PYGM: variants seen among roughly 807,000 people sequenced by gnomAD.
PYGM encodes glycogen phosphorylase, muscle associated.
In PYGM, 81 loss-of-function variants were observed where a neutral mutation model predicts 99.3. The ratio of observed to expected loss-of-function variants is 0.82; its 90% CI spans 0.68 to 0.98. PYGM has a LOEUF of 0.98. Among genes scored for constraint, PYGM ranks in the 50% least tolerant of loss-of-function variants. The pLI is 0.00. For missense variants in PYGM, 1,030 were observed against 1,158.1 expected, an observed-to-expected ratio of 0.89 and a Z score of 1.61; for synonymous variants, 436 against 451.5, an observed-to-expected ratio of 0.97 and a Z score of 0.44.
rs367990192 is a variant in PYGM, at chr11:64,758,446, G to A, written c.415C>T (p.Arg139Trp). The change falls in exon 3 of 20, where the codon CGG becomes TGG. Residue 139 changes from arginine to tryptophan, a missense_variant. By Grantham distance (101) the Arg-to-Trp change is moderately radical. Transcript: ENST00000164139. ...GGCCCTGTCTTCTTACCTGCCAGCC[G>A]GCCCAGGCCCCCGTTGCCCAGCCCC... ...DAGLGNGGLG[R>W]LAACFLDSMA... 1.1e-5 allele frequency: 17 copies of A among 1,613,864 alleles called. No homozygotes were observed. The highest frequency in any genetic ancestry group is 2.2e-5 in the East Asian group (1 of 44,874).
chr11:64,759,386 A>G (rs1289157262), intron 1 of PYGM, among the ~76,000 whole-genome samples: 1 of 151,962 alleles, frequency 6.6e-6, no homozygotes, highest in Non-Finnish European at 1.5e-5. Flanking sequence ...GCCAGGCCAC[A>G]GGCGCCGTCC....
At chr11:64,758,540 T>G in intron 2 of PYGM, 25 bp from the exon 3 acceptor site, 1 of 1,613,944 alleles carries the variant, frequency 6.2e-7, no homozygotes, top group African/African-American at 1.3e-5. Context: ...GTGACAGTGG[T>G]CAGGGTCAAG....
At chr11:64,750,637 C>T in intron 16 of PYGM, 54 bp from the exon 17 acceptor site, 2 of 1,559,674 alleles carry the variant, frequency 1.3e-6, no homozygotes, top group Non-Finnish European at 1.8e-6. Context: ...CTCACACCAG[C>T]TGGGGACTCT....
At chr11:64,749,368 C>T (rs1565532501) in intron 17 of PYGM, among the ~76,000 whole-genome samples, 1 of 149,478 alleles carries the variant, frequency 6.7e-6, no homozygotes, top group Non-Finnish European at 1.5e-5. Context: ...AAAGGCCGGG[C>T]GCAGTGGCTC....
At chr11:64,758,111 T>C (rs2058405860) in intron 4 of PYGM, 135 bp downstream of exon 4, 1 of 1,316,408 alleles carries the variant, frequency 7.6e-7, no homozygotes, top group Non-Finnish European at 1.1e-6. Context: ...TGGCTTTGGG[T>C]CGGGGGGTGG....
chr11:64,751,040 T>C (rs2058352273), intron 16 of PYGM: 5 of 423,374 alleles, frequency 1.2e-5, no homozygotes, highest in Non-Finnish European at 1.8e-5. Flanking sequence ...TATAGGCACC[T>C]GCCATCACGC....
Position 64,754,630 on chromosome 11 carries a change from G to A in PYGM, c.999+63C>T. ...TATTACATGGGGCAGGCAGGCCGAG[G>A]CTGGAGGGAGAGGCCTAGCACACAC... On this transcript the variant is annotated intron_variant, in intron 8 of 19. Transcript: ENST00000164139. The surrounding 1 kb of genome is among the most constrained non-coding windows in gnomAD (Gnocchi z 5.5). 1.9e-6 allele frequency: 3 copies of A among 1,593,520 alleles called. No homozygotes were observed. The highest frequency in any genetic ancestry group is 2.6e-6 in the Non-Finnish European group (3 of 1,168,258).
intron 11 of PYGM, among the ~76,000 whole-genome samples, 163 bp downstream of exon 11, chr11:64,753,356 G>A (rs528549634): frequency 9.9e-5 from 15 of 152,274 alleles, no homozygotes; most frequent in East Asian, 3.9e-4. Flanking sequence ...AGGACAGGGC[G>A]GCACTGGAAG....
chr11:64,750,420 G>A lies in PYGM; in HGVS notation c.2133C>T (p.Ile711=), dbSNP rs1227981579. The change falls in exon 17 of 20, where the codon ATC becomes ATT. Residue 711 remains isoleucine (I), a synonymous_variant. Transcript: ENST00000164139. ...AEEAGEENFF[I]FGMRVEDVDK... Reference sequence around the variant, plus strand: ...CCACATCCTCCACCCGCATGCCAAAGATGAAGAAGTTTTCCTCTCCCGCCT... The same window carrying A: ...CCACATCCTCCACCCGCATGCCAAAAATGAAGAAGTTTTCCTCTCCCGCCT... The A allele has an allele frequency of 1.2e-6, 2 of 1,614,178 alleles. No homozygotes were observed. Among genetic ancestry groups the A allele is most frequent in the Non-Finnish European group, 1.7e-6 (2 of 1,180,034 alleles).
chr11:64,755,587 G>C lies in PYGM; in HGVS notation c.661-29C>G, dbSNP rs775744943. The C allele has an allele frequency of 1.3e-5, 20 of 1,577,738 alleles. No individual in the cohort carries two copies. In the Admixed American group the frequency reaches 2.4e-4, roughly 19 times the overall value. ...CGGGGGGCAATCCTGTCAGGAGCTG[G>C]CCAGCCCTGGCAATTGCCTCCCTCC... is the stretch of plus-strand genomic sequence containing the variant. On this transcript the variant is annotated intron_variant, in intron 5 of 19. Transcript: ENST00000164139. This position sits in a 1 kb window ranked among gnomAD's most constrained non-coding sequence, Gnocchi z 4.1.
intron 12 of PYGM, 146 bp from the exon 13 acceptor site, chr11:64,752,650 A>C: frequency 1.2e-6 from 1 of 827,126 alleles, no homozygotes; most frequent in Non-Finnish European, 2.0e-6. Flanking sequence ...CCAGCCGCCC[A>C]GATGGGGCAC....
chr11:64,747,132 A>G (rs1467301921), intron 18 of PYGM, 92 bp downstream of exon 18: 1 of 1,580,494 alleles, frequency 6.3e-7, no homozygotes, highest in Non-Finnish European at 8.7e-7. Flanking sequence ...GGCTCCAACT[A>G]CCAGGACCCG....
chr11:64,753,990 G>A lies in PYGM; in HGVS notation c.1128C>T (p.Thr376=). 1 of 1,606,906 alleles carries A rather than the reference G, an allele frequency of 6.2e-7. No individual in the cohort carries two copies. The highest frequency in any genetic ancestry group is 1.1e-5 in the South Asian group (1 of 89,904). Residue 376 remains threonine, a synonymous_variant, in exon 10 of 20, where the codon ACC becomes ACT. Transcript: ENST00000164139. ...WDVTVRTCAY[T]NHTVLPEALE... ...GGGCCTCGGGCAGCACCGTGTGGTT[G>A]GTGTAGGCACAGGTCCTCACTGTCA...
Position 64,746,765 on chromosome 11 carries a change from G to T in PYGM, c.2423C>A (p.Thr808Asn). The change falls in exon 20 of 20, where the codon ACC becomes AAC. Residue 808 changes from threonine (T) to asparagine (N), a missense_variant. Physicochemically the swap from Thr to Asn is moderately conservative, Grantham distance 65. Coordinates refer to ENST00000164139, the MANE Select transcript of PYGM (RefSeq NM_005609.4). ...GCGGTCACTGGAGAACTTGCCAGAG[G>T]TGGCTATGTTCCGGATCACCATCCG... ...WTRMVIRNIATSGKFSSDRTI... is the reference protein window; with the variant it reads ...WTRMVIRNIANSGKFSSDRTI... 6.2e-7 allele frequency: 1 copy of T among 1,614,188 alleles called. No individual in the cohort carries two copies. The highest frequency in any genetic ancestry group is 1.7e-5 in the Admixed American group (1 of 60,026).
upstream of PYGM, chr11:64,760,121 C>T (rs910100863): frequency 3.0e-6 from 2 of 675,624 alleles, no homozygotes. Context: ...GAGGTGAGCT[C>T]CACTTGGGCC....
intron 1 of PYGM, among the ~76,000 whole-genome samples, chr11:64,759,366 C>T (rs1479927174): frequency 6.6e-6 from 1 of 152,194 alleles, no homozygotes; most frequent in African/African-American, 2.4e-5. Context: ...TGTCCTTCCA[C>T]CTGGGCCCAG....
chr11:64,751,218 C>T, intron 16 of PYGM, 107 bp downstream of exon 16: 1 of 1,517,508 alleles, frequency 6.6e-7, no homozygotes, highest in Non-Finnish European at 9.0e-7. Context: ...ATTGCCCTCT[C>T]CAGATTCTTC....
At chr11:64,748,608 AT>A (rs1250887120) in intron 17 of PYGM, 2 of 152,206 alleles carry the variant, frequency 1.3e-5, no homozygotes, top group Non-Finnish European at 2.9e-5. Flanking sequence ...TCACAGTAAT[AT>A]TTAACAAACC....
At position 64,753,591 on chromosome 11, in the gene PYGM, T is replaced by C. The variant is rs1306773818; in HGVS notation, c.1331A>G (p.His444Arg). 1.9e-6 allele frequency: 3 copies of C among 1,607,598 alleles called. No homozygotes were observed. The highest frequency in any genetic ancestry group is 1.7e-6 in the Non-Finnish European group (2 of 1,178,836). ...EGAVKRINMA[H>R]LCIAGSHAVN... ...GGCGTGCGACCCCGCGATGCACAGG[T>C]GTGCCATGTTGATGCGCTTCACTGC... is the stretch of plus-strand genomic sequence containing the variant. Residue 444 changes from histidine (H) to arginine (R), a missense_variant, in exon 11 of 20, where the codon CAC becomes CGC. His to Arg is a conservative substitution (Grantham distance 29, BLOSUM62 0). Transcript: ENST00000164139.
Sources: gnomAD v4.1 joint callset for allele counts (sites outside exome capture counted in the v4.1 genomes callset) on GRCh38, gnomAD v4.1.1 for gene constraint, Gnocchi (gnomAD v3.1) non-coding constraint, MANE v1.5 for transcripts, NCBI Gene and HGNC (gene_info 2026-07-23, HGNC 2026-07-21) for gene names.